The following ZNF254 variants were observed in gnomAD, a reference collection of about 807,000 sequenced individuals.
ZNF254 encodes zinc finger protein 254.
A neutral mutation model predicts 12.4 loss-of-function variants in ZNF254; 10 were observed. The ratio of observed to expected loss-of-function variants is 0.80; its 90% confidence interval spans 0.50 to 1.36. The LOEUF (loss-of-function observed/expected upper bound fraction) is 1.36. Ranked by LOEUF, ZNF254 falls within the 40% of genes most tolerant of loss-of-function variation. ZNF254 has a pLI of 0.00. For synonymous variants in ZNF254, 305 were observed against 253.4 expected, an observed-to-expected ratio of 1.20 and a Z score of -1.93; for missense variants, 996 against 763.9, an observed-to-expected ratio of 1.30 and a Z score of -3.58.
chr19:24,101,545 A>T (rs1450220054), intron 1 of ZNF254, among the ~76,000 whole-genome samples: 1 of 152,246 alleles, frequency 6.6e-6, no homozygotes, highest in Non-Finnish European at 1.5e-5. Flanking sequence ...GATCAAGGCC[A>T]CAAAGTAGCC....
intron 3 of ZNF254, among the ~76,000 whole-genome samples, chr19:24,114,970 G>A (rs1205542745): frequency 5.2e-5 from 8 of 152,408 alleles, no homozygotes; most frequent in Middle Eastern, 3.4e-3. Context: ...CAAAACCACA[G>A]TGAGTTACCA....
Position 24,127,457 on chromosome 19 carries a change from G to C in ZNF254, c.1457G>C (p.Gly486Ala), listed in dbSNP as rs199657105. Residue 486 changes from glycine to alanine, a missense_variant, in exon 4 of 4, where the codon GGA (glycine) becomes GCA (alanine). Physicochemically the swap from Gly to Ala is moderately conservative, Grantham distance 60 (BLOSUM62 0). Coordinates refer to ENST00000357002, the MANE Select transcript of ZNF254 (RefSeq NM_203282.4). ...TLTRHKRMHT[G>A]EKPYKCEECG... ...ACTAGACATAAGAGGATGCACACTG[G>C]AGAGAAACCCTACAAATGTGAAGAA... is the stretch of plus-strand genomic sequence containing the variant. 1 of 1,613,172 alleles carries C rather than the reference G, an allele frequency of 6.2e-7. No individual in the cohort carries two copies. Among genetic ancestry groups the C allele is most frequent in the East Asian group, 2.2e-5 (1 of 44,776 alleles).
chr19:24,055,232 A>AAG lies in ZNF254; in HGVS notation c.-94+8953_-94+8954insAG, dbSNP rs1555753129. On this transcript the variant is annotated intron_variant, in intron 2 of 4. Transcript: ENST00000613065. ...AAAAAAAAAAAAAAAAAAAAAAAAA[A>AAG]GAGTGTACTAACAAGACCCAGCACA... Among the ~76,000 whole-genome samples, 293 of 122,614 alleles carry AAG rather than the reference A, an allele frequency of 2.4e-3. 24 individuals are homozygous for AAG. Among genetic ancestry groups the AAG allele is most frequent in the Non-Finnish European group, 3.5e-3 (196 of 55,418 alleles). The allele number at this position is 122,614 out of a possible 152,430, so 80.4% of individuals were successfully genotyped here.
intron 2 of ZNF254, among the ~76,000 whole-genome samples, chr19:24,055,572 C>T (rs1053912277): frequency 7.2e-5 from 11 of 152,072 alleles, no homozygotes; most frequent in Admixed American, 1.3e-4. Context: ...CCACTGCAGC[C>T]GGCCTGGAGA....
intron 3 of ZNF254, among the ~76,000 whole-genome samples, chr19:24,114,255 T>A (rs1279849356): frequency 6.6e-6 from 1 of 151,706 alleles, no homozygotes; most frequent in East Asian, 1.9e-4. Flanking sequence ...GCTGGAGGCA[T>A]CATGCTACCT....
At chr19:24,108,197 C>G (rs1028822778) in intron 3 of ZNF254, among the ~76,000 whole-genome samples, 2 of 152,140 alleles carry the variant, frequency 1.3e-5, no homozygotes, top group South Asian at 2.1e-4. Flanking sequence ...TCAGGGACCA[C>G]AGTAAAGGTC....
intron 2 of ZNF254, among the ~76,000 whole-genome samples, chr19:24,048,003 CTTTTTTTTTTTTTTT>C (rs398034320): frequency 1.5e-5 from 1 of 68,810 alleles, no homozygotes; most frequent in African/African-American, 6.1e-5. Flanking sequence ...TTCTTTTCTT[CTTTTTTTTTTTTTTT>C]TTTTTTTTGC....
intron 1 of ZNF254, among the ~76,000 whole-genome samples, chr19:24,087,829 A>G (rs1404326565): frequency 1.3e-5 from 2 of 152,094 alleles, no homozygotes; most frequent in Non-Finnish European, 2.9e-5. Context: ...AAGGGGCCTG[A>G]AGAAAAGATT....
upstream of ZNF254, among the ~76,000 whole-genome samples, chr19:24,085,407 G>GATATATATATATATATATATAT (rs1599669328): frequency 4.6e-4 from 1 of 2,182 alleles, no homozygotes; most frequent in Non-Finnish European, 1.4e-3. Flanking sequence ...GTTTGTTAAG[G>GATATATATATATATATATATAT]GTATATATAT....
Position 24,126,245 on chromosome 19 carries a change from T to G in ZNF254, c.254-9T>G. 7.1e-7 allele frequency: 1 copy of G among 1,413,984 alleles called. No individual in the cohort carries two copies. The highest frequency in any genetic ancestry group is 9.3e-7 in the Non-Finnish European group (1 of 1,080,978). The allele number at this position is 1,413,984 out of a possible 1,614,324, so 87.6% of individuals were successfully genotyped here. A position where few individuals can be genotyped will look rare whatever the true frequency, so the allele number is the denominator to read the frequency against. On this transcript the variant is annotated splice_polypyrimidine_tract_variant and intron_variant, in intron 3 of 3. Transcript: ENST00000357002. ...TGGAGTAATTTATTTATTTTTATTTTTTTTTCAGGTATGTGTCCTCATTTT... is the reference window on the plus strand; with the variant it reads ...TGGAGTAATTTATTTATTTTTATTTGTTTTTCAGGTATGTGTCCTCATTTT...
At chr19:24,109,775 T>C (rs1599729276) in intron 3 of ZNF254, among the ~76,000 whole-genome samples, 1 of 150,932 alleles carries the variant, frequency 6.6e-6, no homozygotes, top group South Asian at 2.1e-4. Flanking sequence ...TGGAGTACAG[T>C]GCATGTGATC....
upstream of ZNF254, among the ~76,000 whole-genome samples, chr19:24,082,922 A>G (rs778807070): frequency 6.6e-6 from 1 of 152,102 alleles, no homozygotes; most frequent in Non-Finnish European, 1.5e-5. Flanking sequence ...AATAGTGCCC[A>G]TTTTCATCAC....
At chr19:24,098,217 T>C (rs1194329895) in intron 1 of ZNF254, among the ~76,000 whole-genome samples, 1 of 152,228 alleles carries the variant, frequency 6.6e-6, no homozygotes, top group Non-Finnish European at 1.5e-5. Flanking sequence ...GATGTTAGTC[T>C]GATAGGCTTA....
Position 24,127,151 on chromosome 19 carries a change from G to C in ZNF254, c.1151G>C (p.Gly384Ala), listed in dbSNP as rs927208306. The change falls in exon 4 of 4, where the codon GGC (glycine) becomes GCC (alanine). Residue 384 changes from glycine to alanine, a missense_variant. Coordinates refer to ENST00000357002, the MANE Select transcript of ZNF254 (RefSeq NM_203282.4). ...GEKRYKCLEC[G>A]KAFKQLSTLT... ...AAACGCTACAAATGCTTAGAATGTG[G>C]CAAAGCTTTTAAGCAACTCTCAACT... is the stretch of plus-strand genomic sequence containing the variant. The C allele has an allele frequency of 6.2e-7, 1 of 1,612,958 alleles. No homozygotes were observed. Among genetic ancestry groups the C allele is most frequent in the Non-Finnish European group, 8.5e-7 (1 of 1,179,672 alleles).
upstream of ZNF254, among the ~76,000 whole-genome samples, chr19:24,084,275 A>G (rs1317330647): frequency 6.6e-6 from 1 of 151,102 alleles, no homozygotes; most frequent in Non-Finnish European, 1.5e-5. Flanking sequence ...GAGTTGAAGA[A>G]CATTATTCTA....
intron 1 of ZNF254, among the ~76,000 whole-genome samples, chr19:24,036,348 C>T (rs62117631): frequency 0.16 from 24,167 of 152,060 alleles, 2,110 homozygotes; most frequent in Middle Eastern, 0.23. Context: ...TGAGCCACCG[C>T]GCCTGGCTGC....
intron 2 of ZNF254, chr19:24,049,410 A>T (rs1970562533): frequency 6.6e-6 from 1 of 151,402 alleles, no homozygotes; most frequent in Admixed American, 6.6e-5. Flanking sequence ...TCCAGTCCAG[A>T]TGTATAATCT....
chr19:24,068,561 A>G (rs1438784416), intron 2 of ZNF254, among the ~76,000 whole-genome samples: 1 of 152,166 alleles, frequency 6.6e-6, no homozygotes, highest in East Asian at 1.9e-4. Flanking sequence ...TTGGCCTCCC[A>G]AAGTGCTGGG....
intron 3 of ZNF254, among the ~76,000 whole-genome samples, chr19:24,121,118 A>T (rs1023625560): frequency 3.3e-5 from 5 of 152,046 alleles, no homozygotes; most frequent in African/African-American, 1.2e-4. Flanking sequence ...TTTAGTTTTC[A>T]TCCTATTTTT....
Sources: gnomAD v4.1 joint callset for allele counts (sites outside exome capture counted in the v4.1 genomes callset) on GRCh38, gnomAD v4.1.1 for gene constraint, MANE v1.5 for transcripts, NCBI Gene and HGNC (gene_info 2026-07-23, HGNC 2026-07-21) for gene names.